RBCK1: variants seen among roughly 807,000 people sequenced by gnomAD.
The protein encoded by RBCK1 is ranBP-type and C3HC4-type zinc finger-containing protein 1.
RBCK1 carries 44 observed loss-of-function variants against 71.1 expected under a neutral mutation model. The observed-to-expected ratio is 0.62, with a 90% CI of 0.49 to 0.80. The LOEUF is 0.80. Among genes scored for constraint, RBCK1 ranks in the 30% least tolerant of loss-of-function variants. The pLI is 0.00. For missense variants in RBCK1, 569 were observed against 685.0 expected (o/e 0.83, Z 1.89); for synonymous variants, 306 against 279.7 (o/e 1.09, Z -0.94).
intron 2 of RBCK1, among the ~76,000 whole-genome samples, chr20:413,429 A>T (rs1012343214): frequency 6.6e-6 from 1 of 152,214 alleles, no homozygotes; most frequent in African/African-American, 2.4e-5. Flanking sequence ...ATTGCTTGAG[A>T]CAGTACCTGT....
Position 417,636 on chromosome 20 carries a change from A to C in RBCK1, c.261+17A>C. On this transcript the variant is annotated intron_variant, in intron 3 of 11. Coordinates refer to ENST00000356286, the MANE Select transcript of RBCK1 (RefSeq NM_031229.4). This position sits in a 1 kb window ranked among gnomAD's most constrained non-coding sequence, Gnocchi z 4.7. ...AAGGACATGGTGAGTGAGGAGGCGG[A>C]GGGCGACACTGGGGTGAAGGCTCTC... 6.2e-7 allele frequency: 1 copy of C among 1,611,380 alleles called. No individual in the cohort carries two copies. The highest frequency in any genetic ancestry group is 8.5e-7 in the Non-Finnish European group (1 of 1,177,804).
intron 2 of RBCK1, 67 bp downstream of exon 2, chr20:410,092 G>T: frequency 6.5e-7 from 1 of 1,528,748 alleles, no homozygotes; most frequent in South Asian, 1.2e-5. Flanking sequence ...CTGTAGAACA[G>T]TTCTTCCTAA....
In RBCK1 at chr20:408,871, A is replaced by AG. The variant is rs943511949; in HGVS notation, c.22+97dup. 7.6e-6 allele frequency: 11 copies of AG among 1,450,246 alleles called. No individual in the cohort carries two copies. The African/African-American group carries it at 1.0e-4, about 13-fold the overall frequency. The allele number at this position is 1,450,246 out of a possible 1,614,324, so 89.8% of individuals were successfully genotyped here. On this transcript the variant is annotated intron_variant, in intron 1 of 11. Coordinates refer to ENST00000356286, the MANE Select transcript of RBCK1 (RefSeq NM_031229.4). ...GCCCCTGGCCAGAAGGGCCTTGGAG[A>AG]GGGGGCTTTAGCCTGCCCTCCCTCT...
chr20:420,101 C>T (rs528768828), intron 6 of RBCK1: 2 of 984,542 alleles, frequency 2.0e-6, no homozygotes, highest in Non-Finnish European at 1.2e-6. Context: ...CAGCTCGGAC[C>T]TCACCCCCAC....
rs778332884 is a variant in RBCK1 at position 422,196 on chromosome 20, C to G, written c.987C>G (p.Thr329=). The G allele has an allele frequency of 1.6e-5, 26 of 1,613,314 alleles. No individual in the cohort carries two copies. The highest frequency in any genetic ancestry group is 3.3e-5 in the Admixed American group (2 of 59,994). The change falls in exon 8 of 12, where the codon ACC becomes ACG. Residue 329 remains threonine, a synonymous_variant. Coordinates refer to ENST00000356286, the MANE Select transcript of RBCK1 (RefSeq NM_031229.4). The surrounding 1 kb of genome is among the most constrained non-coding windows in gnomAD (Gnocchi z 5.0). Reference sequence around the variant, plus strand: ...TCTCCTGCCCCTTCATTGACAACACCTACTCGTGCTCGGGCAAGCTGCTGG... The same window carrying G: ...TCTCCTGCCCCTTCATTGACAACACGTACTCGTGCTCGGGCAAGCTGCTGG... ...AEVSCPFIDN[T]YSCSGKLLER...
chr20:413,438 G>A (rs1198131249), intron 2 of RBCK1, among the ~76,000 whole-genome samples: 1 of 152,120 alleles, frequency 6.6e-6, no homozygotes, highest in Non-Finnish European at 1.5e-5. Flanking sequence ...GACAGTACCT[G>A]TGTACTCCTT....
intron 8 of RBCK1, among the ~76,000 whole-genome samples, chr20:425,658 A>T (rs1352742498): frequency 1.5e-5 from 2 of 132,858 alleles, no homozygotes; most frequent in East Asian, 2.2e-4. Flanking sequence ...ACGAAGTCTC[A>T]CTCTGTTGCC....
Position 408,684 on chromosome 20 carries a change from C to T in RBCK1, c.-74C>T. 6.3e-7 allele frequency: 1 copy of T among 1,589,682 alleles called. No individual in the cohort carries two copies. The highest frequency in any genetic ancestry group is 8.6e-7 in the Non-Finnish European group (1 of 1,168,234). On this transcript the variant is annotated 5_prime_UTR_variant, in exon 1 of 12. Transcript: ENST00000356286. ...CTGAGTTGCTCCTGGTCTCCCGCCT[C>T]TCCCAGGCGACCCGGAGGTAGCATT...
chr20:428,594 G>C lies in RBCK1; in HGVS notation c.1308+5G>C. On this transcript the variant is annotated splice_donor_5th_base_variant and intron_variant, in intron 10 of 11. Coordinates refer to ENST00000356286, the MANE Select transcript of RBCK1 (RefSeq NM_031229.4). This position sits in a 1 kb window ranked among gnomAD's most constrained non-coding sequence, Gnocchi z 5.7. ...CAGACGACAGAGATGCTGAAGGTGA[G>C]GCTGGGACAGGGCCGAGGCCTAGGG... 6.2e-7 allele frequency: 1 copy of C among 1,607,180 alleles called. No homozygotes were observed. Among genetic ancestry groups the C allele is most frequent in the Admixed American group, 1.7e-5 (1 of 58,920 alleles).
At position 431,596 on chromosome 20, in the gene RBCK1, C is replaced by T. The variant is rs2017016603; in HGVS notation, c.*1166C>T. Reference sequence around the variant, plus strand: ...TAGCAGGCAGAGGGCGCCTCTGCTGCTGAAGGCCTGTGATTTTGTGGGGAA... The same window carrying T: ...TAGCAGGCAGAGGGCGCCTCTGCTGTTGAAGGCCTGTGATTTTGTGGGGAA... On this transcript the variant is annotated 3_prime_UTR_variant, in exon 12 of 12. Transcript: ENST00000356286. This position sits in a 1 kb window ranked among gnomAD's most constrained non-coding sequence, Gnocchi z 4.8. Among the ~76,000 whole-genome samples, 1 of 152,222 alleles carries T rather than the reference C, an allele frequency of 6.6e-6. No individual in the cohort carries two copies. The highest frequency in any genetic ancestry group is 1.5e-5 in the Non-Finnish European group (1 of 68,038).
chr20:425,767 C>T (rs2016680851), intron 8 of RBCK1, among the ~76,000 whole-genome samples: 1 of 152,026 alleles, frequency 6.6e-6, no homozygotes, highest in Admixed American at 6.6e-5. Flanking sequence ...GCTGGGACTA[C>T]AGGCAGATGC....
intron 4 of RBCK1, 34 bp from the exon 5 acceptor site, chr20:419,313 C>T (rs758541405): frequency 1.9e-6 from 3 of 1,610,694 alleles, no homozygotes; most frequent in Non-Finnish European, 2.5e-6. Flanking sequence ...AAGTGGGCCG[C>T]GTGGAACCAC....
In RBCK1 at chr20:415,793, T is replaced by C. The variant is rs77771230; in HGVS notation, c.168-1733T>C. On this transcript the variant is annotated intron_variant, in intron 2 of 11. Coordinates refer to ENST00000356286, the MANE Select transcript of RBCK1 (RefSeq NM_031229.4). Reference sequence around the variant, plus strand: ...GGTGTAGGAAGCATGGTCCTGACATTTGCTTGGCTTCTGGGGAGGCCTCAG... The same window carrying C: ...GGTGTAGGAAGCATGGTCCTGACATCTGCTTGGCTTCTGGGGAGGCCTCAG... Among the ~76,000 whole-genome samples the C allele has an allele frequency of 2.2e-3, 336 of 152,294 alleles. 1 individual carries two copies. Among genetic ancestry groups the C allele is most frequent in the African/African-American group, 7.1e-3 (293 of 41,548 alleles).
rs764099682 is a variant in RBCK1 at position 422,319 on chromosome 20, TTTTC to T, written c.1029+89_1029+92del. 133 of 1,176,124 alleles carry T rather than the reference TTTTC, an allele frequency of 1.1e-4. No homozygotes were observed. The highest frequency in any genetic ancestry group is 3.9e-4 in the Middle Eastern group (2 of 5,076). 72.9% of individuals were successfully genotyped at this position (1,176,124 alleles called of 1,614,324 possible). On this transcript the variant is annotated intron_variant, in intron 8 of 11. Transcript: ENST00000356286. The surrounding 1 kb of genome is among the most constrained non-coding windows in gnomAD (Gnocchi z 5.0). ...CCTGAGCAGGCAGCAGACATCTTTCTTTTCTTTCTTTTTTTTTTTTGGAGATGGG... is the reference window on the plus strand; with the variant it reads ...CCTGAGCAGGCAGCAGACATCTTTCTTTTCTTTTTTTTTTTTGGAGATGGG...
In RBCK1 at chr20:410,408, C is replaced by T. The variant is rs754366884; in HGVS notation, c.167+383C>T. 6 of 779,582 alleles carry T rather than the reference C, an allele frequency of 7.7e-6. No homozygotes were observed. In the Middle Eastern group the frequency reaches 6.8e-4, roughly 88 times the overall value. The allele number at this position is 779,582 out of a possible 1,614,324, so 48.3% of individuals were successfully genotyped here. ...TCTCTCACCATTCTGCCATTCATTCCCAGATTCCTCATGGTGCAAAATGGC... is the reference window on the plus strand; with the variant it reads ...TCTCTCACCATTCTGCCATTCATTCTCAGATTCCTCATGGTGCAAAATGGC... On this transcript the variant is annotated intron_variant, in intron 2 of 11. Coordinates refer to ENST00000356286, the MANE Select transcript of RBCK1 (RefSeq NM_031229.4).
At position 432,098 on chromosome 20, in the gene RBCK1, G is replaced by A. The variant is rs113628501; in HGVS notation, c.*1668G>A. On this transcript the variant is annotated 3_prime_UTR_variant, in exon 12 of 12. Transcript: ENST00000356286. The surrounding 1 kb of genome is among the most constrained non-coding windows in gnomAD (Gnocchi z 4.3). ...CCCATCTTTTTAAATTGGCAACATC[G>A]TTTACCACATTAAAATCTAGATGCC... 6.6e-6 allele frequency among the ~76,000 whole-genome samples: 1 copy of A among 152,240 alleles called. No individual in the cohort carries two copies. The highest frequency in any genetic ancestry group is 2.4e-5 in the African/African-American group (1 of 41,538).
chr20:420,310 C>G, intron 6 of RBCK1: 1 of 984,918 alleles, frequency 1.0e-6, no homozygotes, highest in Non-Finnish European at 1.2e-6. Flanking sequence ...GACACACGCA[C>G]TAATGACACA....
At chr20:421,636 G>C (rs372213198) in intron 7 of RBCK1, among the ~76,000 whole-genome samples, 15 of 152,276 alleles carry the variant, frequency 9.9e-5, no homozygotes, top group African/African-American at 3.6e-4. Context: ...AGCAGGGACC[G>C]GAAGGCCTGC....
At chr20:421,141 G>A (rs2016410023) in intron 7 of RBCK1, 110 bp downstream of exon 7, 2 of 1,319,714 alleles carry the variant, frequency 1.5e-6, no homozygotes, top group Non-Finnish European at 2.0e-6. Flanking sequence ...GGACGCCCGC[G>A]AAAACCTACG....
Sources: gnomAD v4.1 joint callset for allele counts (sites outside exome capture counted in the v4.1 genomes callset) on GRCh38, gnomAD v4.1.1 for gene constraint, Gnocchi (gnomAD v3.1) non-coding constraint, MANE v1.5 for transcripts, NCBI Gene and HGNC (gene_info 2026-07-23, HGNC 2026-07-21) for gene names.